MEMO1: variants seen among roughly 807,000 people sequenced by gnomAD.
MEMO1 encodes protein MEMO1.
In MEMO1, 6 loss-of-function variants were observed where a neutral mutation model predicts 45.2. That is an observed-to-expected ratio of 0.13 (90% CI 0.07 to 0.26). The LOEUF (loss-of-function observed/expected upper bound fraction) is 0.26. Among genes scored for constraint, MEMO1 ranks in the 10% least tolerant of loss-of-function variants. The pLI, the probability that MEMO1 is intolerant of heterozygous loss-of-function variation, is 1.00. For synonymous variants in MEMO1, 78 were observed against 124.3 expected (o/e 0.63, Z 2.48); for missense variants, 184 against 370.5 (o/e 0.50, Z 4.13).
chr2:31,894,725 G>A (rs1487356458), intron 6 of MEMO1, among the ~76,000 whole-genome samples: 2 of 152,146 alleles, frequency 1.3e-5, no homozygotes, highest in Non-Finnish European at 2.9e-5. Flanking sequence ...ATTTGGGTAC[G>A]TGCACAGGGT....
chr2:31,925,991 T>C (rs983814695), intron 4 of MEMO1, among the ~76,000 whole-genome samples: 2 of 152,190 alleles, frequency 1.3e-5, no homozygotes, highest in African/African-American at 4.8e-5. Context: ...ATTTTCCTCA[T>C]GGAACAAAAT....
intron 6 of MEMO1, among the ~76,000 whole-genome samples, chr2:31,902,597 C>T (rs768631372): frequency 6.6e-5 from 10 of 152,282 alleles, no homozygotes; most frequent in Middle Eastern, 6.8e-3. Context: ...TAATACCTCA[C>T]CAGGTTCTTG....
At chr2:31,886,187 A>C (rs1676163018) in intron 7 of MEMO1, among the ~76,000 whole-genome samples, 1 of 152,208 alleles carries the variant, frequency 6.6e-6, no homozygotes, top group Non-Finnish European at 1.5e-5. Flanking sequence ...AAGGACTCTA[A>C]AGAATGTTTC....
At chr2:31,914,961 TAAAAAAAAAAAA>T (rs34556047) in intron 6 of MEMO1, among the ~76,000 whole-genome samples, 1 of 120,220 alleles carries the variant, frequency 8.3e-6, no homozygotes, top group Non-Finnish European at 1.7e-5. Flanking sequence ...TGTCTCTTTT[TAAAAAAAAAAAA>T]AAAAAAAAAG....
intron 2 of MEMO1, among the ~76,000 whole-genome samples, chr2:31,958,699 C>A (rs1442466435): frequency 6.6e-6 from 1 of 152,112 alleles, no homozygotes; most frequent in South Asian, 2.1e-4. Flanking sequence ...TCACCCTGGC[C>A]GGAATGCAAT....
intron 2 of MEMO1, among the ~76,000 whole-genome samples, chr2:31,992,669 A>C (rs1672089178): frequency 6.6e-6 from 1 of 152,204 alleles, no homozygotes. Context: ...CTATAATCCC[A>C]GCTACTCGGG....
intron 4 of MEMO1, among the ~76,000 whole-genome samples, chr2:31,930,472 C>CT (rs1664011170): frequency 6.6e-6 from 1 of 152,050 alleles, no homozygotes; most frequent in East Asian, 1.9e-4. Context: ...TATCTATACC[C>CT]CTCTACAAAT....
chr2:31,890,998 G>T (rs935505148), intron 7 of MEMO1, among the ~76,000 whole-genome samples: 2 of 152,166 alleles, frequency 1.3e-5, no homozygotes, highest in Non-Finnish European at 2.9e-5. Context: ...AGGCCATTCA[G>T]AGATAGAAGC....
intron 6 of MEMO1, among the ~76,000 whole-genome samples, chr2:31,910,674 G>A (rs970472693): frequency 2.0e-5 from 3 of 151,992 alleles, no homozygotes; most frequent in African/African-American, 7.3e-5. Flanking sequence ...AGCCTGGGCA[G>A]GATAGTGAGA....
chr2:31,950,841 A>G (rs1666768379), intron 2 of MEMO1, among the ~76,000 whole-genome samples: 1 of 152,238 alleles, frequency 6.6e-6, no homozygotes, highest in Non-Finnish European at 1.5e-5. Context: ...AGCAAAATAA[A>G]TAAGGTATTC....
intron 3 of MEMO1, among the ~76,000 whole-genome samples, chr2:31,933,344 A>ATAT (rs1664462781): frequency 5.6e-5 from 2 of 35,418 alleles, no homozygotes; most frequent in African/African-American, 2.3e-4. Flanking sequence ...AAAAAAAAAA[A>ATAT]AAAAATTTAT....
chr2:31,968,997 T>G (rs1237716353), intron 2 of MEMO1, among the ~76,000 whole-genome samples: 1 of 152,018 alleles, frequency 6.6e-6, no homozygotes, highest in African/African-American at 2.4e-5. Context: ...ACCAAACAAG[T>G]AGGTAAGTAG....
intron 2 of MEMO1, among the ~76,000 whole-genome samples, chr2:31,976,458 A>C (rs1023531209): frequency 6.6e-6 from 1 of 151,938 alleles, no homozygotes; most frequent in Admixed American, 6.6e-5. Context: ...CATGCCTGTA[A>C]TCCCAGCTAC....
At chr2:31,975,069 G>A (rs1669848779) in intron 2 of MEMO1, among the ~76,000 whole-genome samples, 1 of 151,860 alleles carries the variant, frequency 6.6e-6, no homozygotes, top group South Asian at 2.1e-4. Flanking sequence ...CTACTCGGGA[G>A]GCTGAGGCAG....
chr2:31,925,975 C>T (rs1683041539), intron 4 of MEMO1, among the ~76,000 whole-genome samples: 1 of 152,136 alleles, frequency 6.6e-6, no homozygotes, highest in African/African-American at 2.4e-5. Flanking sequence ...GTAAGCTGAA[C>T]CAGACATTTT....
chr2:31,978,401 T>C (rs1044088225), intron 2 of MEMO1, among the ~76,000 whole-genome samples: 6 of 151,760 alleles, frequency 4.0e-5, no homozygotes, highest in African/African-American at 1.2e-4. Flanking sequence ...AAAAATAAAA[T>C]AAAAGAGAAA....
intron 2 of MEMO1, among the ~76,000 whole-genome samples, chr2:31,980,575 T>G (rs1005953445): frequency 3.9e-5 from 6 of 152,190 alleles, no homozygotes; most frequent in African/African-American, 1.2e-4. Context: ...CCTATCATAA[T>G]TAGAATAAAA....
intron 2 of MEMO1, among the ~76,000 whole-genome samples, chr2:32,007,147 G>A (rs895897543): frequency 3.3e-5 from 5 of 152,082 alleles, no homozygotes; most frequent in Non-Finnish European, 5.9e-5. Context: ...TCTAGGACCA[G>A]CCTACTACTC....
intron 4 of MEMO1, among the ~76,000 whole-genome samples, chr2:31,926,999 C>A (rs1683210040): frequency 6.6e-6 from 1 of 152,074 alleles, no homozygotes; most frequent in Non-Finnish European, 1.5e-5. Context: ...GGTAAAAGAG[C>A]CATTCAAACT....
Sources: allele counts gnomAD v4.1 joint callset (sites outside exome capture counted in the v4.1 genomes callset), GRCh38; gene constraint gnomAD v4.1.1; transcripts MANE v1.5; gene names NCBI Gene and HGNC (gene_info 2026-07-23, HGNC 2026-07-21).